The following PLEKHB2 variants were observed in gnomAD, a reference collection of about 807,000 sequenced individuals.
PLEKHB2 encodes the protein pleckstrin homology domain containing B2, also known as pleckstrin homology domain-containing family B member 2.
In PLEKHB2, 31 loss-of-function variants were observed where a neutral mutation model predicts 36.5. The ratio of observed to expected loss-of-function variants is 0.85; its 90% CI spans 0.64 to 1.15. PLEKHB2 has a LOEUF of 1.15. Among genes scored for constraint, PLEKHB2 ranks in the 50% most tolerant of loss-of-function variants. The probability of loss-of-function intolerance (pLI) is 0.00; values close to 1 mark genes in which losing one functional copy is unlikely to be tolerated. For synonymous variants in PLEKHB2, 119 were observed against 112.0 expected, an observed-to-expected ratio of 1.06 and a Z score of -0.39; for missense variants, 262 against 295.3, an observed-to-expected ratio of 0.89 and a Z score of 0.83.
At chr2:131,112,005 A>G (rs758340488) in intron 1 of PLEKHB2, among the ~76,000 whole-genome samples, 1 of 152,164 alleles carries the variant, frequency 6.6e-6, no homozygotes, top group Non-Finnish European at 1.5e-5. Context: ...AAAATCTCCA[A>G]AATGATGTCT....
intron 1 of PLEKHB2, among the ~76,000 whole-genome samples, chr2:131,105,612 C>A (rs1360002763): frequency 6.6e-6 from 1 of 152,076 alleles, no homozygotes; most frequent in Admixed American, 6.5e-5. Flanking sequence ...TCCCCAGGTC[C>A]GCCCTCTCAG....
chr2:131,126,653 A>C, intron 3 of PLEKHB2, 31 bp from the exon 4 acceptor site: 1 of 1,293,506 alleles, frequency 7.7e-7, no homozygotes, highest in Non-Finnish European at 1.1e-6. Flanking sequence ...AATCCTGAAA[A>C]AAGTTCCTTT....
chr2:131,138,059 T>C (rs1028324879), intron 6 of PLEKHB2, among the ~76,000 whole-genome samples: 16 of 151,272 alleles, frequency 1.1e-4, no homozygotes, highest in Non-Finnish European at 2.1e-4. Context: ...TGTTCCTCTG[T>C]TGTGCTCTGA....
intron 3 of PLEKHB2, among the ~76,000 whole-genome samples, chr2:131,126,361 A>G (rs2104871173): frequency 6.6e-6 from 1 of 152,286 alleles, no homozygotes; most frequent in Non-Finnish European, 1.5e-5. Flanking sequence ...CCCCAACTCT[A>G]CTAAAAATAC....
chr2:131,115,062 C>G (rs1418193780), intron 1 of PLEKHB2, among the ~76,000 whole-genome samples: 6 of 152,202 alleles, frequency 3.9e-5, no homozygotes, highest in African/African-American at 1.4e-4. Flanking sequence ...ACTCACAGTT[C>G]CACATGGCTG....
intron 5 of PLEKHB2, among the ~76,000 whole-genome samples, chr2:131,131,171 C>T (rs1022329215): frequency 6.6e-6 from 1 of 152,190 alleles, no homozygotes; most frequent in African/African-American, 2.4e-5. Context: ...CACGAATGGG[C>T]AGGTAGTGCT....
At chr2:131,110,290 G>GTACTCGGTCCTGCTCCAGTCTGGACT (rs1324636518) in intron 1 of PLEKHB2, among the ~76,000 whole-genome samples, 2 of 149,100 alleles carry the variant, frequency 1.3e-5, no homozygotes, top group African/African-American at 2.5e-5. Flanking sequence ...CTCCCCTGTA[G>GTACTCGGTCCTGCTCCAGTCTGGACT]TACTCGGTCC....
intron 6 of PLEKHB2, among the ~76,000 whole-genome samples, chr2:131,135,445 C>T (rs1330653864): frequency 6.6e-6 from 1 of 152,208 alleles, no homozygotes; most frequent in Non-Finnish European, 1.5e-5. Flanking sequence ...CATAGGCAAT[C>T]ATGTCATCTA....
chr2:131,133,805 C>T (rs1697959314), intron 6 of PLEKHB2, among the ~76,000 whole-genome samples: 1 of 152,100 alleles, frequency 6.6e-6, no homozygotes, highest in Non-Finnish European at 1.5e-5. Context: ...AATCATATAG[C>T]ACGTGGTCTT....
intron 2 of PLEKHB2, among the ~76,000 whole-genome samples, chr2:131,125,376 C>A (rs1190532118): frequency 6.6e-6 from 1 of 152,226 alleles, no homozygotes; most frequent in Non-Finnish European, 1.5e-5. Context: ...CCTGTTAAAG[C>A]ACCAGTTGGC....
intron 1 of PLEKHB2, among the ~76,000 whole-genome samples, chr2:131,114,482 T>C (rs929828750): frequency 1.5e-4 from 23 of 152,224 alleles, no homozygotes; most frequent in Admixed American, 7.2e-4. Flanking sequence ...TTGTTACTTA[T>C]GCAAATTTCT....
In PLEKHB2 at chr2:131,148,860, T is replaced by C. The variant is rs1254326774; in HGVS notation, c.*2087T>C. The C allele has an allele frequency of 1.3e-5, 2 of 152,244 alleles. No individual in the cohort carries two copies. Among genetic ancestry groups the C allele is most frequent in the African/African-American group, 4.8e-5 (2 of 41,470 alleles). 9.4% of individuals were successfully genotyped at this position (152,244 alleles called of 1,614,324 possible). On this transcript the variant is annotated 3_prime_UTR_variant, in exon 8 of 8. Coordinates refer to ENST00000693505, the MANE Select transcript of PLEKHB2 (RefSeq NM_001100623.2). Reference sequence around the variant, plus strand: ...TTCAGATTATAATCGTTATTAAAGCTGTATGTACACTTTACTTAAAAACTA... The same window carrying C: ...TTCAGATTATAATCGTTATTAAAGCCGTATGTACACTTTACTTAAAAACTA...
rs1699534063 is a variant in PLEKHB2 at position 131,149,564 on chromosome 2, C to T, written c.*2791C>T. On this transcript the variant is annotated 3_prime_UTR_variant, in exon 8 of 8. Transcript: ENST00000693505. ...TTAGGCTATCCAGGACTTAAGGTAG[C>T]CATCTGGATCATAAGAAGGTCCTGC... The T allele has an allele frequency of 6.6e-6, 1 of 152,210 alleles. No homozygotes were observed. The highest frequency in any genetic ancestry group is 2.4e-5 in the African/African-American group (1 of 41,436). The allele number at this position is 152,210 out of a possible 1,614,324, so 9.4% of individuals were successfully genotyped here.
intron 1 of PLEKHB2, among the ~76,000 whole-genome samples, chr2:131,108,461 C>G (rs1694953842): frequency 6.6e-6 from 1 of 152,090 alleles, no homozygotes; most frequent in African/African-American, 2.4e-5. Flanking sequence ...GTGTGAAATT[C>G]AGCATGCTAA....
chr2:131,136,366 T>A (rs2104935779), intron 6 of PLEKHB2, among the ~76,000 whole-genome samples: 1 of 151,262 alleles, frequency 6.6e-6, no homozygotes, highest in South Asian at 2.1e-4. Flanking sequence ...CCACCATGGC[T>A]GCAAAAAAAT....
intron 4 of PLEKHB2, among the ~76,000 whole-genome samples, chr2:131,127,963 A>G (rs1046793871): frequency 1.3e-5 from 2 of 152,190 alleles, no homozygotes; most frequent in African/African-American, 4.8e-5. Flanking sequence ...GGAGTTGGGT[A>G]ATTTTCTGTC....
Position 131,149,230 on chromosome 2 carries a change from T to G in PLEKHB2, c.*2457T>G, listed in dbSNP as rs553499173. 6.6e-6 allele frequency: 1 copy of G among 152,382 alleles called. No homozygotes were observed. The highest frequency in any genetic ancestry group is 1.5e-5 in the Non-Finnish European group (1 of 68,048). 9.4% of individuals were successfully genotyped at this position (152,382 alleles called of 1,614,324 possible). A position where few individuals can be genotyped will look rare whatever the true frequency, so the allele number is the denominator to read the frequency against. On this transcript the variant is annotated 3_prime_UTR_variant, in exon 8 of 8. Coordinates refer to ENST00000693505, the MANE Select transcript of PLEKHB2 (RefSeq NM_001100623.2). Reference sequence around the variant, plus strand: ...TTTCCTTGGCCACAACTCCCATAGATGCCAATGTTTTGATAGCCTCAGTTT... The same window carrying G: ...TTTCCTTGGCCACAACTCCCATAGAGGCCAATGTTTTGATAGCCTCAGTTT...
intron 7 of PLEKHB2, among the ~76,000 whole-genome samples, chr2:131,143,907 T>G (rs1699030775): frequency 6.6e-6 from 1 of 152,182 alleles, no homozygotes; most frequent in Non-Finnish European, 1.5e-5. Context: ...AGTCCATCCT[T>G]GCCCTTGGCT....
At chr2:131,124,498 GT>G (rs1007588616) in intron 2 of PLEKHB2, among the ~76,000 whole-genome samples, 2 of 152,292 alleles carry the variant, frequency 1.3e-5, no homozygotes, top group Non-Finnish European at 2.9e-5. Context: ...GGAAATTACT[GT>G]TTTATATACC....
Sources: gnomAD v4.1 joint callset for allele counts (sites outside exome capture counted in the v4.1 genomes callset) on GRCh38, gnomAD v4.1.1 for gene constraint, MANE v1.5 for transcripts, NCBI Gene and HGNC (gene_info 2026-07-23, HGNC 2026-07-21) for gene names.